Variants in STK31 observed in about 807,000 individuals in gnomAD.
STK31 encodes serine/threonine kinase 31.
In STK31, 89 loss-of-function variants were observed where a neutral mutation model predicts 129.7. That is an observed-to-expected ratio of 0.69 (90% CI 0.58 to 0.82). The LOEUF (loss-of-function observed/expected upper bound fraction) is 0.82, where lower values mean the gene tolerates loss of function less well. Ranked by LOEUF, STK31 falls within the 40% of genes least tolerant of loss-of-function variation. STK31 has a pLI of 0.00. For missense variants in STK31, 1,187 were observed against 1,176.4 expected, an observed-to-expected ratio of 1.01 and a Z score of -0.13; for synonymous variants, 448 against 395.3, an observed-to-expected ratio of 1.13 and a Z score of -1.58.
At chr7:23,794,220 A>T (rs994523655) in intron 22 of STK31, among the ~76,000 whole-genome samples, 1 of 152,190 alleles carries the variant, frequency 6.6e-6, no homozygotes, top group African/African-American at 2.4e-5. Flanking sequence ...TAATTGAATC[A>T]TGGGGGTAGT....
chr7:23,789,146 T>C (rs572237977), intron 21 of STK31, among the ~76,000 whole-genome samples: 6 of 152,298 alleles, frequency 3.9e-5, no homozygotes, highest in African/African-American at 1.4e-4. Flanking sequence ...TTCCTTTTTA[T>C]TGCCAAATTA....
intron 11 of STK31, among the ~76,000 whole-genome samples, chr7:23,764,572 C>G (rs1315003724): frequency 6.6e-6 from 1 of 151,886 alleles, no homozygotes; most frequent in Non-Finnish European, 1.5e-5. Context: ...TGTGACTGGT[C>G]TTCTTAAGTT....
At chr7:23,773,494 A>G (rs1437936649) in intron 15 of STK31, among the ~76,000 whole-genome samples, 1 of 152,222 alleles carries the variant, frequency 6.6e-6, no homozygotes, top group Non-Finnish European at 1.5e-5. Flanking sequence ...ACAGTACTGC[A>G]GTAAACCTAC....
rs1000303383 is a variant in STK31, at chr7:23,790,829, G to A, written c.2643G>A (p.Gln881=). 9.4e-6 allele frequency: 15 copies of A among 1,590,226 alleles called. No individual in the cohort carries two copies. The highest frequency in any genetic ancestry group is 1.9e-5 in the Admixed American group (1 of 54,000). The change falls in exon 22 of 24, where the codon CAG becomes CAA. Residue 881 remains glutamine (Q), a synonymous_variant. Coordinates refer to ENST00000355870, the MANE Select transcript of STK31 (RefSeq NM_031414.5). ...GTAAAATATTGTTTTTGCAGAGTCA[G>A]CGAGCCTCGGTGAACATGATGGTTG... ...GDFDFTKSVS[Q]RASVNMMVGD... is the part of the protein sequence containing the mutation.
chr7:23,814,150 T>C (rs576963565), intron 22 of STK31, among the ~76,000 whole-genome samples: 6 of 139,078 alleles, frequency 4.3e-5, no homozygotes, highest in Non-Finnish European at 9.3e-5. Flanking sequence ...GGCTCACTTA[T>C]TTTTTTTTTT....
chr7:23,825,234 T>C (rs1271143432), intron 23 of STK31, among the ~76,000 whole-genome samples: 3 of 152,130 alleles, frequency 2.0e-5, no homozygotes, highest in African/African-American at 4.8e-5. Context: ...GTCCTGGACT[T>C]TTTTTGGTTG....
intron 6 of STK31, among the ~76,000 whole-genome samples, chr7:23,731,081 A>G (rs1787406915): frequency 6.6e-6 from 1 of 151,302 alleles, no homozygotes; most frequent in African/African-American, 2.4e-5. Context: ...GTGGGGTTTC[A>G]CCATGTTGGC....
chr7:23,806,760 C>T (rs1050134435), intron 22 of STK31, among the ~76,000 whole-genome samples: 2 of 151,914 alleles, frequency 1.3e-5, no homozygotes, highest in Non-Finnish European at 2.9e-5. Flanking sequence ...ATCAGCCGGG[C>T]GTGTTGGCTG....
intron 22 of STK31, among the ~76,000 whole-genome samples, chr7:23,810,714 TAGATATATATAAAATAG>T (rs1329832915): frequency 2.6e-4 from 15 of 57,000 alleles, no homozygotes; most frequent in Non-Finnish European, 4.5e-4. Flanking sequence ...ATATATAAAA[TAGATATATATAAAATAG>T]ATATATATAA....
intron 23 of STK31, among the ~76,000 whole-genome samples, chr7:23,829,716 C>G (rs1293204401): frequency 6.6e-6 from 1 of 152,130 alleles, no homozygotes; most frequent in Non-Finnish European, 1.5e-5. Flanking sequence ...GATGTTAGTT[C>G]TTTGAAAGTT....
chr7:23,796,849 G>T (rs954232078), intron 22 of STK31, among the ~76,000 whole-genome samples: 5 of 152,128 alleles, frequency 3.3e-5, no homozygotes, highest in African/African-American at 1.2e-4. Flanking sequence ...CCATCAGTGT[G>T]CTGTATTCAG....
chr7:23,831,105 G>C (rs1248623137), intron 23 of STK31, among the ~76,000 whole-genome samples: 1 of 152,134 alleles, frequency 6.6e-6, no homozygotes, highest in Non-Finnish European at 1.5e-5. Context: ...GTATTCTGTT[G>C]CTGTTGGGTA....
At chr7:23,775,711 A>C (rs1373311586) in intron 15 of STK31, among the ~76,000 whole-genome samples, 5 of 152,212 alleles carry the variant, frequency 3.3e-5, no homozygotes, top group Admixed American at 6.5e-5. Flanking sequence ...GTTGCTTATC[A>C]GCTTAAGGAG....
At chr7:23,731,987 TCTA>T (rs1787460865) in intron 6 of STK31, among the ~76,000 whole-genome samples, 2 of 152,218 alleles carry the variant, frequency 1.3e-5, no homozygotes, top group Admixed American at 6.5e-5. Context: ...AGCCTTATGT[TCTA>T]AACCAGTGAC....
At chr7:23,722,766 C>T (rs1786798306) in intron 4 of STK31, 1 of 152,522 alleles carries the variant, frequency 6.6e-6, no homozygotes, top group South Asian at 2.1e-4. Flanking sequence ...CTTTGTTTAC[C>T]TACTCAAGCC....
chr7:23,760,227 CTTG>C (rs1413500045), intron 10 of STK31, among the ~76,000 whole-genome samples: 4 of 152,154 alleles, frequency 2.6e-5, no homozygotes, highest in African/African-American at 4.8e-5. Flanking sequence ...GAGCTCTATA[CTTG>C]TTGTGTTTGG....
intron 23 of STK31, among the ~76,000 whole-genome samples, chr7:23,830,930 C>T (rs1042391979): frequency 3.3e-5 from 5 of 152,052 alleles, no homozygotes; most frequent in Admixed American, 6.6e-5. Context: ...AATTTCCATG[C>T]GTTTGTATAG....
chr7:23,818,442 T>C (rs931685000), intron 23 of STK31, among the ~76,000 whole-genome samples: 10 of 152,152 alleles, frequency 6.6e-5, no homozygotes, highest in African/African-American at 2.2e-4. Context: ...ACAGTAAGAT[T>C]GATCAGTGTG....
chr7:23,764,383 G>T (rs1471434616), intron 11 of STK31, among the ~76,000 whole-genome samples: 5 of 151,950 alleles, frequency 3.3e-5, no homozygotes, highest in African/African-American at 1.2e-4. Flanking sequence ...TATTCCCTCA[G>T]GTCACCAAAA....
Sources: gnomAD v4.1 joint callset for allele counts (sites outside exome capture counted in the v4.1 genomes callset) on GRCh38, gnomAD v4.1.1 for gene constraint, MANE v1.5 for transcripts, NCBI Gene and HGNC (gene_info 2026-07-23, HGNC 2026-07-21) for gene names.